Variants in PEMT observed in about 807,000 individuals in gnomAD.
The protein encoded by PEMT is phosphatidylethanolamine N-methyltransferase, also known as phospholipid methyltransferase.
In PEMT, 23 loss-of-function variants were observed where a neutral mutation model predicts 27.4. The observed-to-expected ratio is 0.84, with a 90% CI of 0.60 to 1.19. The LOEUF (loss-of-function observed/expected upper bound fraction) is 1.19. Ranked by LOEUF, PEMT falls within the 50% of genes most tolerant of loss-of-function variation. The pLI, the probability that PEMT is intolerant of heterozygous loss-of-function variation, is 0.00. For missense variants in PEMT, 307 were observed against 310.1 expected (o/e 0.99, Z 0.07); for synonymous variants, 137 against 139.1 (o/e 0.98, Z 0.11).
At chr17:17,540,090 C>T (rs555296956) in intron 2 of PEMT, among the ~76,000 whole-genome samples, 19 of 152,194 alleles carry the variant, frequency 1.2e-4, no homozygotes, top group South Asian at 8.3e-4. Flanking sequence ...CTGGAAGCAA[C>T]GCCCCAAGGG....
rs983722297 is a variant in PEMT, at chr17:17,514,215, G to A, written c.321-1561C>T. Among the ~76,000 whole-genome samples, 5 of 152,200 alleles carry A rather than the reference G, an allele frequency of 3.3e-5. No individual in the cohort carries two copies. In the East Asian group the frequency reaches 5.8e-4, roughly 18 times the overall value. On this transcript the variant is annotated intron_variant, in intron 3 of 6. Transcript: ENST00000255389. ...TTCAGATTGTTGTGAAACTCCTTAT[G>A]CTGAGCTAAGGACATACAGACATGT... is the stretch of plus-strand genomic sequence containing the variant.
At chr17:17,575,589 C>T (rs1455759302) in intron 2 of PEMT, among the ~76,000 whole-genome samples, 1 of 152,222 alleles carries the variant, frequency 6.6e-6, no homozygotes, top group Non-Finnish European at 1.5e-5. Context: ...GCTCCAGAGG[C>T]CCATGTCAGG....
At chr17:17,509,313 A>G (rs1272466812) in intron 5 of PEMT, 121 bp downstream of exon 5, 1 of 671,054 alleles carries the variant, frequency 1.5e-6, no homozygotes, top group East Asian at 2.6e-5. Flanking sequence ...CTAGGCCCCC[A>G]CAAATGACAC....
intron 2 of PEMT, among the ~76,000 whole-genome samples, chr17:17,562,145 G>A (rs904957200): frequency 1.3e-5 from 2 of 152,248 alleles, no homozygotes; most frequent in Non-Finnish European, 2.9e-5. Flanking sequence ...GAGGCATAGG[G>A]GGCATGAAGC....
Position 17,582,312 on chromosome 17 carries a change from C to T in PEMT, c.97-5285G>A. Reference sequence around the variant, plus strand: ...AGCTGCAGGAATAGCTCGAGTCCCACAGGTCACCGACGAATAGCCTCAGCT... The same window carrying T: ...AGCTGCAGGAATAGCTCGAGTCCCATAGGTCACCGACGAATAGCCTCAGCT... On this transcript the variant is annotated intron_variant, in intron 1 of 6. Coordinates refer to ENST00000255389, the MANE Select transcript of PEMT (RefSeq NM_148172.3). This position sits in a 1 kb window ranked among gnomAD's most constrained non-coding sequence, Gnocchi z 4.9. 1 of 985,524 alleles carries T rather than the reference C, an allele frequency of 1.0e-6. No individual in the cohort carries two copies. The highest frequency in any genetic ancestry group is 1.2e-6 in the Non-Finnish European group (1 of 829,988). The allele number at this position is 985,524 out of a possible 1,614,324, so 61.0% of individuals were successfully genotyped here.
intron 1 of PEMT, among the ~76,000 whole-genome samples, chr17:17,586,261 AAAGAAAGAAAGAAAGAAAGAAAGAAAG>A (rs1387140894): frequency 5.0e-4 from 57 of 114,434 alleles, no homozygotes; most frequent in Non-Finnish European, 8.3e-4. Context: ...AGAAAGAAAG[AAAGAAAGAAAGAAAGAAAGAAAGAAAG>A]AAAAAAAAAA....
intron 3 of PEMT, among the ~76,000 whole-genome samples, chr17:17,515,740 GCT>G (rs1488979381): frequency 3.3e-5 from 5 of 152,228 alleles, no homozygotes; most frequent in African/African-American, 9.7e-5. Context: ...TGGATGAGTA[GCT>G]CTGTGACCAC....
chr17:17,579,232 T>C (rs1330024392), intron 1 of PEMT, among the ~76,000 whole-genome samples: 2 of 152,178 alleles, frequency 1.3e-5, no homozygotes, highest in African/African-American at 2.4e-5. Flanking sequence ...GGTGTGACCA[T>C]GGGATGTCCC....
At chr17:17,556,815 T>C (rs1370183925) in intron 2 of PEMT, among the ~76,000 whole-genome samples, 1 of 152,200 alleles carries the variant, frequency 6.6e-6, no homozygotes, top group Admixed American at 6.5e-5. Context: ...TGGAAGATCC[T>C]TGGAGTGGGA....
At chr17:17,544,320 G>A (rs1320218969) in intron 2 of PEMT, among the ~76,000 whole-genome samples, 7 of 149,032 alleles carry the variant, frequency 4.7e-5, no homozygotes, top group Admixed American at 1.3e-4. Context: ...TGCTCTTGTC[G>A]CCCAGGCTGG....
At chr17:17,577,314 C>T in intron 1 of PEMT, 1 of 494,820 alleles carries the variant, frequency 2.0e-6, no homozygotes, top group Non-Finnish European at 3.4e-6. Flanking sequence ...GGAGGTGACA[C>T]CAACCCTGGT....
chr17:17,553,770 C>T (rs919159767), intron 2 of PEMT, among the ~76,000 whole-genome samples: 4 of 152,240 alleles, frequency 2.6e-5, no homozygotes, highest in African/African-American at 4.8e-5. Flanking sequence ...CTGTACCCTA[C>T]GTGGAAAGCT....
chr17:17,558,733 T>C (rs989893821), intron 2 of PEMT, among the ~76,000 whole-genome samples: 18 of 148,210 alleles, frequency 1.2e-4, no homozygotes, highest in South Asian at 8.5e-4. Flanking sequence ...GACCGGAGCC[T>C]GGCTTGACAA....
At chr17:17,574,633 A>G (rs1269923230) in intron 2 of PEMT, among the ~76,000 whole-genome samples, 3 of 152,166 alleles carry the variant, frequency 2.0e-5, no homozygotes, top group African/African-American at 4.8e-5. Context: ...ATCTTACTGC[A>G]TCTTAACCAC....
At chr17:17,535,948 G>A (rs1178148946) in intron 2 of PEMT, among the ~76,000 whole-genome samples, 2 of 152,228 alleles carry the variant, frequency 1.3e-5, no homozygotes, top group South Asian at 4.1e-4. Context: ...GGTGAGCAGG[G>A]GATGCCCCTG....
chr17:17,526,321 C>T (rs1479046446), intron 2 of PEMT, among the ~76,000 whole-genome samples: 1 of 152,194 alleles, frequency 6.6e-6, no homozygotes, highest in East Asian at 1.9e-4. Flanking sequence ...GACCCAGGGA[C>T]ACCATCCTGG....
chr17:17,569,618 G>A (rs139445920), intron 2 of PEMT, among the ~76,000 whole-genome samples: 39 of 152,316 alleles, frequency 2.6e-4, no homozygotes, highest in African/African-American at 8.9e-4. Context: ...TCAGGTTTAC[G>A]GGGTCCCAGT....
chr17:17,590,887 G>C (rs1221682896), intron 1 of PEMT, among the ~76,000 whole-genome samples: 1 of 152,212 alleles, frequency 6.6e-6, no homozygotes, highest in East Asian at 1.9e-4. Context: ...TCTGCAGAGG[G>C]CAGCCTCAGC....
chr17:17,511,209 C>T (rs999896927), intron 4 of PEMT, among the ~76,000 whole-genome samples: 1 of 152,170 alleles, frequency 6.6e-6, no homozygotes, highest in Non-Finnish European at 1.5e-5. Flanking sequence ...TCTCCTTGCA[C>T]CAAGGCTTTT....
Sources: allele counts gnomAD v4.1 joint callset (sites outside exome capture counted in the v4.1 genomes callset), GRCh38; gene constraint gnomAD v4.1.1; non-coding constraint Gnocchi (gnomAD v3.1); transcripts MANE v1.5; gene names NCBI Gene and HGNC (gene_info 2026-07-23, HGNC 2026-07-21).